Variants in CC2D1B observed in about 807,000 individuals in gnomAD.
The protein encoded by CC2D1B is coiled-coil and C2 domain-containing protein 1B.
A neutral mutation model predicts 110.8 loss-of-function variants in CC2D1B; 92 were observed. The ratio of observed to expected loss-of-function variants is 0.83; its 90% CI spans 0.70 to 0.99. CC2D1B has a LOEUF of 0.99. CC2D1B is among the 50% of genes least tolerant of loss of function. The pLI is 0.00. For synonymous variants in CC2D1B, 406 were observed against 429.2 expected (o/e 0.95, Z 0.67); for missense variants, 1,136 against 1,089.0 (o/e 1.04, Z -0.61).
In CC2D1B at chr1:52,357,710, A is replaced by G; in HGVS notation, c.1580-12T>C. ...CAGCTGCTCCCGCACTGAAGGGAGAAGGCCACTGGTTAGGGCCACACCTGC... is the reference window on the plus strand; with the variant it reads ...CAGCTGCTCCCGCACTGAAGGGAGAGGGCCACTGGTTAGGGCCACACCTGC... On this transcript the variant is annotated splice_polypyrimidine_tract_variant and intron_variant, in intron 14 of 24. Coordinates refer to ENST00000284376, the MANE Select transcript of CC2D1B (RefSeq NM_001330585.2). 1 of 1,609,708 alleles carries G rather than the reference A, an allele frequency of 6.2e-7. No homozygotes were observed. The highest frequency in any genetic ancestry group is 8.5e-7 in the Non-Finnish European group (1 of 1,178,020).
At chr1:52,358,303 A>G in intron 13 of CC2D1B, 28 bp downstream of exon 13, 1 of 1,606,076 alleles carries the variant, frequency 6.2e-7, no homozygotes. Context: ...TCTCCCCACC[A>G]GCCCTGGAGT....
intron 23 of CC2D1B, 103 bp downstream of exon 23, chr1:52,354,505 A>C: frequency 1.0e-6 from 1 of 965,446 alleles, no homozygotes; most frequent in Admixed American, 1.7e-5. Context: ...GAGAATTTCA[A>C]ATTAAGTAAT....
In CC2D1B at chr1:52,362,669, C is replaced by T; in HGVS notation, c.147G>A (p.Glu49=). ...CCCCTGTGAGAGCCAGCAGCTCAGCCTCCAGGTCCTCATCATCTTCAGCCT... is the reference window on the plus strand; with the variant it reads ...CCCCTGTGAGAGCCAGCAGCTCAGCTTCCAGGTCCTCATCATCTTCAGCCT... ...MDEAEDDEDL[E]AELLALTGEA... Residue 49 remains glutamate (E), a synonymous_variant, in exon 3 of 25, where the codon GAG becomes GAA. Coordinates refer to ENST00000284376, the MANE Select transcript of CC2D1B (RefSeq NM_001330585.2). 6.2e-7 allele frequency: 1 copy of T among 1,614,206 alleles called. No homozygotes were observed. The highest frequency in any genetic ancestry group is 1.1e-5 in the South Asian group (1 of 91,088).
chr1:52,361,684 T>G, intron 3 of CC2D1B, 68 bp from the exon 4 acceptor site: 3 of 1,582,360 alleles, frequency 1.9e-6, no homozygotes, highest in Non-Finnish European at 1.7e-6. Flanking sequence ...AAGGAGGGGC[T>G]TGGTAGATCC....
rs1314714484 is a variant in CC2D1B at position 52,359,112 on chromosome 1, C to T, written c.1172G>A (p.Arg391Lys). The T allele has an allele frequency of 6.2e-7, 1 of 1,610,830 alleles. No homozygotes were observed. The highest frequency in any genetic ancestry group is 8.5e-7 in the Non-Finnish European group (1 of 1,180,036). ...GCCCGCCTCGCGGTACTTGTTCAGC[C>T]TCTGCTGCAGGGCATCCAGCACTGT... is the stretch of plus-strand genomic sequence containing the variant. The part of the protein sequence containing the change: ...SQTVLDALQQ[R>K]LNKYREAGIQ... Residue 391 changes from arginine (R) to lysine (K), a missense_variant, in exon 11 of 25, where the codon AGG (arginine) becomes AAG (lysine). Arg to Lys is a conservative substitution (Grantham distance 26). Transcript: ENST00000284376.
Position 52,353,244 on chromosome 1 carries a change from CAAG to C in CC2D1B, c.*2-24_*2-22del, listed in dbSNP as rs1414363604. On this transcript the variant is annotated intron_variant, in intron 24 of 24. Transcript: ENST00000284376. Reference sequence around the variant, plus strand: ...ATCGGCTACACAGGGGTGCAAAGCACAAGAAGTCAGTCTAAACTGCAGTGAAAA... The same window carrying C: ...ATCGGCTACACAGGGGTGCAAAGCACAAGTCAGTCTAAACTGCAGTGAAAA... The C allele has an allele frequency of 2.2e-6, 3 of 1,394,438 alleles. No individual in the cohort carries two copies. The Admixed American group carries it at 6.6e-5, about 31-fold the overall frequency. 86.4% of individuals were successfully genotyped at this position (1,394,438 alleles called of 1,614,324 possible). A position where few individuals can be genotyped will look rare whatever the true frequency, so the allele number is the denominator to read the frequency against.
chr1:52,354,339 C>T (rs1319596327), intron 23 of CC2D1B: 1 of 648,920 alleles, frequency 1.5e-6, no homozygotes, highest in Non-Finnish European at 2.8e-6. Context: ...CCTCATTTGT[C>T]AGAGGCAAGG....
intron 23 of CC2D1B, 103 bp downstream of exon 23, chr1:52,354,505 A>T: frequency 1.0e-6 from 1 of 965,446 alleles, no homozygotes; most frequent in South Asian, 1.3e-5. Context: ...GAGAATTTCA[A>T]ATTAAGTAAT....
Position 52,360,133 on chromosome 1 carries a change from T to TG in CC2D1B, c.703dup (p.Gln235ProfsTer9). The stretch of plus-strand genomic sequence containing the variant: ...CTCAGGGCTCCTGTTGGCTGGTTCC[T>TG]GGGGGGCCAGGGGCCGCTTTCCTAA... On this transcript the variant is annotated frameshift_variant, in exon 7 of 25. Transcript: ENST00000284376. LOFTEE classifies it high-confidence loss of function. 3 of 1,609,922 alleles carry TG rather than the reference T, an allele frequency of 1.9e-6. No individual in the cohort carries two copies. Among genetic ancestry groups the TG allele is most frequent in the East Asian group, 2.2e-5 (1 of 44,868 alleles).
Position 52,361,337 on chromosome 1 carries a change from G to A in CC2D1B, c.318+176C>T, listed in dbSNP as rs1022880610. On this transcript the variant is annotated intron_variant, in intron 4 of 24. Transcript: ENST00000284376. ...ACTCCAAATCTGAGAATCCCCAACT[G>A]CAGAGCTTAGACCAGAAGTCAAAGA... The A allele has an allele frequency of 3.2e-6, 4 of 1,248,712 alleles. No individual in the cohort carries two copies. The African/African-American group carries it at 4.5e-5, about 14-fold the overall frequency. 77.4% of individuals were successfully genotyped at this position (1,248,712 alleles called of 1,614,324 possible).
At chr1:52,365,262 G>A (rs1354653362) in intron 1 of CC2D1B, among the ~76,000 whole-genome samples, 1 of 152,186 alleles carries the variant, frequency 6.6e-6, no homozygotes, top group African/African-American at 2.4e-5. Flanking sequence ...AACCTAAGAC[G>A]GTCTCAGCCT....
intron 16 of CC2D1B, chr1:52,356,715 G>C (rs938625769): frequency 2.5e-5 from 15 of 600,778 alleles, no homozygotes; most frequent in Non-Finnish European, 4.4e-5. Context: ...AGCCTTTCCA[G>C]AACAGGTGGC....
chr1:52,356,689 C>T (rs1302390981), intron 16 of CC2D1B: 1 of 605,344 alleles, frequency 1.7e-6, no homozygotes, highest in Non-Finnish European at 2.9e-6. Context: ...CTAACTCAAA[C>T]ATCCCCTCAG....
rs944262617 is a variant in CC2D1B, at chr1:52,362,889, G to C, written c.70-143C>G. 39 of 770,184 alleles carry C rather than the reference G, an allele frequency of 5.1e-5. 1 individual carries two copies. The East Asian group carries it at 1.0e-3, about 20-fold the overall frequency. The allele number at this position is 770,184 out of a possible 1,614,324, so 47.7% of individuals were successfully genotyped here. ...AATGTGCAGAAAGAAACTGAGGCCTGCAACATTACTCCTTGAGACACTTAC... is the reference window on the plus strand; with the variant it reads ...AATGTGCAGAAAGAAACTGAGGCCTCCAACATTACTCCTTGAGACACTTAC... On this transcript the variant is annotated intron_variant, in intron 2 of 24. Coordinates refer to ENST00000284376, the MANE Select transcript of CC2D1B (RefSeq NM_001330585.2).
intron 15 of CC2D1B, 110 bp from the exon 16 acceptor site, chr1:52,357,236 C>G: frequency 7.6e-7 from 1 of 1,313,674 alleles, no homozygotes; most frequent in Non-Finnish European, 1.1e-6. Flanking sequence ...TACTAAAGTC[C>G]AGTGATGACA....
chr1:52,353,275 C>CA, intron 24 of CC2D1B, 52 bp from the exon 25 acceptor site: 1 of 1,443,424 alleles, frequency 6.9e-7, no homozygotes, highest in Non-Finnish European at 9.2e-7. Context: ...AGTGAAAACA[C>CA]AAAGATTTTA....
At position 52,350,919 on chromosome 1, in the gene CC2D1B, T is replaced by C. The variant is rs1051336817; in HGVS notation, c.*2306A>G. The C allele has an allele frequency of 5.3e-5, 8 of 152,344 alleles. No individual in the cohort carries two copies. Among genetic ancestry groups the C allele is most frequent in the African/African-American group, 1.9e-4 (8 of 41,576 alleles). 9.4% of individuals were successfully genotyped at this position (152,344 alleles called of 1,614,324 possible). On this transcript the variant is annotated 3_prime_UTR_variant, in exon 25 of 25. Transcript: ENST00000284376. ...GGCCACCATGCCCAGCTAATTGTTTTTGTTTTTAGTGGAGACGGGGTTTCA... is the reference window on the plus strand; with the variant it reads ...GGCCACCATGCCCAGCTAATTGTTTCTGTTTTTAGTGGAGACGGGGTTTCA...
intron 2 of CC2D1B, among the ~76,000 whole-genome samples, chr1:52,363,098 A>G (rs1179296167): frequency 6.6e-6 from 1 of 152,226 alleles, no homozygotes; most frequent in Non-Finnish European, 1.5e-5. Flanking sequence ...TTCTGAGAAG[A>G]AGGTCCTATT....
rs147281593 is a variant in CC2D1B, at chr1:52,360,268, C to T, written c.604-35G>A. The T allele has an allele frequency of 2.5e-6, 4 of 1,611,074 alleles. No individual in the cohort carries two copies. The African/African-American group carries it at 5.3e-5, about 21-fold the overall frequency. ...AGAACTGGTCCAGAAACCCAGCCAG[C>T]CATCTCAGCCCAGACCCTGCTCCAA... On this transcript the variant is annotated intron_variant, in intron 6 of 24. Coordinates refer to ENST00000284376, the MANE Select transcript of CC2D1B (RefSeq NM_001330585.2).
Sources: gnomAD v4.1 joint callset for allele counts (sites outside exome capture counted in the v4.1 genomes callset) on GRCh38, gnomAD v4.1.1 for gene constraint, MANE v1.5 for transcripts, NCBI Gene and HGNC (gene_info 2026-07-23, HGNC 2026-07-21) for gene names.